The following GABRB3 variants were observed in gnomAD, a reference collection of about 807,000 sequenced individuals.
GABRB3 encodes gamma-aminobutyric acid type A receptor subunit beta3, also known as gamma-aminobutyric acid receptor subunit beta-3.
Under a neutral mutation model 52.1 loss-of-function variants are expected in GABRB3, and 14 were observed. The observed-to-expected ratio is 0.27, with a 90% CI of 0.18 to 0.42. GABRB3 has a LOEUF of 0.42. Among genes scored for constraint, GABRB3 ranks in the 10% least tolerant of loss-of-function variants. The probability of loss-of-function intolerance (pLI) is 1.00; values close to 1 mark genes in which losing one functional copy is unlikely to be tolerated. For missense variants in GABRB3, 307 were observed against 609.1 expected (o/e 0.50, Z 5.22); for synonymous variants, 260 against 232.3 (o/e 1.12, Z -1.08).
intron 3 of GABRB3, among the ~76,000 whole-genome samples, chr15:26,668,333 G>T (rs1309264459): frequency 6.6e-6 from 1 of 152,194 alleles, no homozygotes; most frequent in Non-Finnish European, 1.5e-5. Context: ...TTAAAAATAT[G>T]AAAACAAGAT....
chr15:26,772,482 C>A lies in GABRB3; in HGVS notation c.173-13G>T. 6.2e-7 allele frequency: 1 copy of A among 1,609,164 alleles called. No individual in the cohort carries two copies. The highest frequency in any genetic ancestry group is 8.5e-7 in the Non-Finnish European group (1 of 1,177,888). On this transcript the variant is annotated splice_polypyrimidine_tract_variant and intron_variant, in intron 2 of 8. Coordinates refer to ENST00000311550, the MANE Select transcript of GABRB3 (RefSeq NM_000814.6). Reference sequence around the variant, plus strand: ...CAGACCGGGGGACCTGCGGGAAGCACAGGACACGGCGATCAGCCCAGCTCC... The same window carrying A: ...CAGACCGGGGGACCTGCGGGAAGCAAAGGACACGGCGATCAGCCCAGCTCC...
intron 3 of GABRB3, among the ~76,000 whole-genome samples, chr15:26,724,512 C>T (rs1889721324): frequency 6.6e-6 from 1 of 152,168 alleles, no homozygotes; most frequent in South Asian, 2.1e-4. Context: ...CTTGCTTGTA[C>T]AATTTCAGCA....
chr15:26,574,527 G>A (rs985315998), intron 6 of GABRB3, among the ~76,000 whole-genome samples: 10 of 152,278 alleles, frequency 6.6e-5, no homozygotes, highest in African/African-American at 2.4e-4. Flanking sequence ...TTCATCAGCT[G>A]ATGAACAGAT....
intron 3 of GABRB3, among the ~76,000 whole-genome samples, chr15:26,703,981 TGGTGGCAGCCAGGCCCCAAGACTCCACTA>T (rs1889016778): frequency 6.6e-6 from 1 of 152,190 alleles, no homozygotes; most frequent in Non-Finnish European, 1.5e-5. Flanking sequence ...TCTGGGGTCT[TGGTGGCAGCCAGGCCCCAAGACTCCACTA>T]GGTAATGCGT....
chr15:26,741,222 T>A (rs1595336389), intron 3 of GABRB3, among the ~76,000 whole-genome samples: 1 of 152,322 alleles, frequency 6.6e-6, no homozygotes. Context: ...AAGCCTTATA[T>A]GAATTGAGTT....
At chr15:26,675,285 G>A (rs1352336820) in intron 3 of GABRB3, among the ~76,000 whole-genome samples, 2 of 152,214 alleles carry the variant, frequency 1.3e-5, no homozygotes, top group Non-Finnish European at 2.9e-5. Context: ...CTGTTCTACT[G>A]AAGAGTGGAG....
At chr15:26,667,239 C>T (rs911484612) in intron 3 of GABRB3, among the ~76,000 whole-genome samples, 5 of 152,196 alleles carry the variant, frequency 3.3e-5, no homozygotes, top group Non-Finnish European at 5.9e-5. Context: ...TCTCCAATGC[C>T]AGAGCCCGAG....
At chr15:26,566,975 T>C (rs1301631591) in intron 7 of GABRB3, among the ~76,000 whole-genome samples, 2 of 152,232 alleles carry the variant, frequency 1.3e-5, no homozygotes, top group Non-Finnish European at 1.5e-5. Flanking sequence ...TTCATATTAA[T>C]CAGCTGAATA....
Position 26,621,593 on chromosome 15 carries a change from C to A in GABRB3, c.241-59G>T. The A allele has an allele frequency of 2.2e-6, 3 of 1,336,074 alleles. No individual in the cohort carries two copies. Among genetic ancestry groups the A allele is most frequent in the Admixed American group, 1.8e-5 (1 of 56,640 alleles). The allele number at this position is 1,336,074 out of a possible 1,614,324, so 82.8% of individuals were successfully genotyped here. A position where few individuals can be genotyped will look rare whatever the true frequency, so the allele number is the denominator to read the frequency against. ...GTACCCAGCCACAGGTGTATTTCCT[C>A]CACGACCAGCCAAATTCAGGTTGCA... On this transcript the variant is annotated intron_variant, in intron 3 of 8. Transcript: ENST00000311550. This position sits in a 1 kb window ranked among gnomAD's most constrained non-coding sequence, Gnocchi z 4.1.
intron 8 of GABRB3, among the ~76,000 whole-genome samples, chr15:26,558,519 C>A (rs549149173): frequency 6.6e-6 from 1 of 152,244 alleles, no homozygotes; most frequent in African/African-American, 2.4e-5. Flanking sequence ...GTGTCCCTGC[C>A]CAAATCTCAT....
chr15:26,757,918 T>C (rs1258889365), intron 3 of GABRB3, among the ~76,000 whole-genome samples: 3 of 152,208 alleles, frequency 2.0e-5, no homozygotes, highest in Admixed American at 6.5e-5. Context: ...AACTAGTGTT[T>C]TGCCATACAT....
In GABRB3 at chr15:26,712,988, C is replaced by T. The variant is rs900411358; in HGVS notation, c.240+59414G>A. Among the ~76,000 whole-genome samples the T allele has an allele frequency of 5.3e-5, 8 of 152,186 alleles. 1 individual carries two copies. Among genetic ancestry groups the T allele is most frequent in the East Asian group, 1.9e-4 (1 of 5,186 alleles). On this transcript the variant is annotated intron_variant, in intron 3 of 8. Coordinates refer to ENST00000311550, the MANE Select transcript of GABRB3 (RefSeq NM_000814.6). ...TGCACAGCGAAGGCAGACGGAGGGGCGAGGTTGCTGGCCAGAAGCAGCATG... is the reference window on the plus strand; with the variant it reads ...TGCACAGCGAAGGCAGACGGAGGGGTGAGGTTGCTGGCCAGAAGCAGCATG...
chr15:26,633,752 A>G (rs968715796), intron 3 of GABRB3, among the ~76,000 whole-genome samples: 3 of 152,146 alleles, frequency 2.0e-5, no homozygotes, highest in African/African-American at 7.2e-5. Flanking sequence ...GGAACTGTTT[A>G]CTTTCCTGTT....
intron 8 of GABRB3, among the ~76,000 whole-genome samples, chr15:26,549,241 T>A (rs902259389): frequency 6.6e-6 from 1 of 152,168 alleles, no homozygotes; most frequent in African/African-American, 2.4e-5. Flanking sequence ...ATCAATGGCA[T>A]CCAGCTAGAT....
chr15:26,567,513 T>C, intron 7 of GABRB3, 68 bp downstream of exon 7: 1 of 1,503,906 alleles, frequency 6.6e-7, no homozygotes, highest in Non-Finnish European at 9.2e-7. Flanking sequence ...CTACAGCCTT[T>C]GAACTCTCTT....
intron 4 of GABRB3, among the ~76,000 whole-genome samples, chr15:26,599,976 A>G (rs1055167569): frequency 1.3e-5 from 2 of 152,158 alleles, no homozygotes; most frequent in African/African-American, 2.4e-5. Context: ...CAATATAGAG[A>G]GATAAAATTT....
At chr15:26,636,432 C>A (rs757118904) in intron 3 of GABRB3, among the ~76,000 whole-genome samples, 25 of 152,148 alleles carry the variant, frequency 1.6e-4, no homozygotes, top group African/African-American at 2.9e-4. Flanking sequence ...GGCTCATCTT[C>A]TTTGCTACTC....
intron 6 of GABRB3, 40 bp downstream of exon 6, chr15:26,580,279 C>T: frequency 6.2e-7 from 1 of 1,613,588 alleles, no homozygotes; most frequent in Middle Eastern, 1.7e-4. Flanking sequence ...CCCATGGAGC[C>T]AGTGCCCCTG....
intron 3 of GABRB3, among the ~76,000 whole-genome samples, chr15:26,671,933 T>G (rs528769718): frequency 6.6e-6 from 1 of 152,282 alleles, no homozygotes; most frequent in South Asian, 2.1e-4. Context: ...TTACTTGTCA[T>G]TTTCACATCT....
Sources: gnomAD v4.1 joint callset for allele counts (sites outside exome capture counted in the v4.1 genomes callset) on GRCh38, gnomAD v4.1.1 for gene constraint, Gnocchi (gnomAD v3.1) non-coding constraint, MANE v1.5 for transcripts, NCBI Gene and HGNC (gene_info 2026-07-23, HGNC 2026-07-21) for gene names.